Variants in CLIC6 observed in about 807,000 individuals in gnomAD.
CLIC6 encodes chloride intracellular channel protein 6.
In CLIC6, 39 loss-of-function variants were observed where a neutral mutation model predicts 49.2. That is an observed-to-expected ratio of 0.79 (90% CI 0.61 to 1.04). CLIC6 has a LOEUF of 1.04. Among genes scored for constraint, CLIC6 ranks in the 50% least tolerant of loss-of-function variants. CLIC6 has a pLI of 0.00. For missense variants in CLIC6, 988 were observed against 993.1 expected, an observed-to-expected ratio of 0.99 and a Z score of 0.07; for synonymous variants, 446 against 433.4, an observed-to-expected ratio of 1.03 and a Z score of -0.36.
intron 5 of CLIC6, among the ~76,000 whole-genome samples, chr21:34,715,668 CT>C (rs2056081602): frequency 6.6e-6 from 1 of 152,234 alleles, no homozygotes; most frequent in Admixed American, 6.5e-5. Context: ...AACTGTACCC[CT>C]CTTGCTAGAG....
intron 1 of CLIC6, among the ~76,000 whole-genome samples, chr21:34,684,010 C>T (rs1237910486): frequency 3.3e-5 from 5 of 151,894 alleles, no homozygotes; most frequent in Non-Finnish European, 5.9e-5. Flanking sequence ...GGATTTTATC[C>T]CTCAACTCAC....
intron 1 of CLIC6, among the ~76,000 whole-genome samples, chr21:34,677,764 C>G (rs1989699860): frequency 6.6e-6 from 1 of 152,136 alleles, no homozygotes; most frequent in Non-Finnish European, 1.5e-5. Flanking sequence ...GAACTGGATT[C>G]TGTGCCCCAA....
chr21:34,669,448 C>T lies in CLIC6; in HGVS notation c.60C>T (p.Val20=), dbSNP rs756596270. Reference sequence around the variant, plus strand: ...CGGGTCCCCAGGGGCCGCCGGAGGTCCCCGCGCCTCTGGCTGAGAGACCCG... The same window carrying T: ...CGGGTCCCCAGGGGCCGCCGGAGGTTCCCGCGCCTCTGGCTGAGAGACCCG... The part of the protein sequence containing the change: ...VAPGPQGPPE[V]PAPLAERPGE... The change falls in exon 1 of 6, where the codon GTC becomes GTT. Residue 20 remains valine (V), a synonymous_variant. Transcript: ENST00000349499. 29 of 1,233,614 alleles carry T rather than the reference C, an allele frequency of 2.4e-5. No homozygotes were observed. Among genetic ancestry groups the T allele is most frequent in the Admixed American group, 8.4e-5 (2 of 23,700 alleles). 76.4% of individuals were successfully genotyped at this position (1,233,614 alleles called of 1,614,324 possible). A position where few individuals can be genotyped will look rare whatever the true frequency, so the allele number is the denominator to read the frequency against.
At chr21:34,690,899 G>T (rs2145807338) in intron 1 of CLIC6, among the ~76,000 whole-genome samples, 2 of 131,482 alleles carry the variant, frequency 1.5e-5, no homozygotes, top group African/African-American at 2.8e-5. Context: ...GCACAGAAAA[G>T]AATTCCTTAT....
Position 34,716,831 on chromosome 21 carries a change from T to TTCTC in CLIC6, c.*375_*378dup, listed in dbSNP as rs142197835. 62,754 of 133,422 alleles carry TTCTC rather than the reference T, an allele frequency of 0.47. 14,263 individuals are homozygous for TTCTC. Among genetic ancestry groups the TTCTC allele is most frequent in the East Asian group, 0.55 (2,569 of 4,694 alleles). 8.3% of individuals were successfully genotyped at this position (133,422 alleles called of 1,614,324 possible). The stretch of plus-strand genomic sequence containing the variant: ...CATGTTCCAAATCTTCAGTATCTTG[T>TTCTC]TCTCTCTCTCTCTCTCTCTCTCTCT... On this transcript the variant is annotated 3_prime_UTR_variant, in exon 6 of 6. Transcript: ENST00000349499.
chr21:34,706,874 G>T (rs529691976), intron 1 of CLIC6, among the ~76,000 whole-genome samples: 1 of 152,326 alleles, frequency 6.6e-6, no homozygotes, highest in East Asian at 1.9e-4. Context: ...AAGCTGCTAA[G>T]AATAGTTGAT....
chr21:34,703,869 C>T (rs145614324), intron 1 of CLIC6, among the ~76,000 whole-genome samples: 4 of 152,218 alleles, frequency 2.6e-5, no homozygotes, highest in East Asian at 3.9e-4. Flanking sequence ...TTCTTTCTTT[C>T]GAGAATTACC....
intron 1 of CLIC6, among the ~76,000 whole-genome samples, chr21:34,696,180 C>A (rs985160453): frequency 1.5e-5 from 2 of 136,706 alleles, no homozygotes; most frequent in East Asian, 1.9e-4. Flanking sequence ...GACTAGAGAC[C>A]CCCCCCATCC....
At chr21:34,716,205 A>G in intron 5 of CLIC6, 116 bp from the exon 6 acceptor site, 1 of 869,536 alleles carries the variant, frequency 1.2e-6, no homozygotes, top group Non-Finnish European at 1.8e-6. Flanking sequence ...TGACTGTGGG[A>G]TGACATGGGA....
At chr21:34,698,758 G>A (rs566659577) in intron 1 of CLIC6, among the ~76,000 whole-genome samples, 1 of 152,208 alleles carries the variant, frequency 6.6e-6, no homozygotes, top group Non-Finnish European at 1.5e-5. Context: ...GGAGCACTGT[G>A]ATTCCAATTT....
chr21:34,690,451 C>T (rs1014014650), intron 1 of CLIC6, among the ~76,000 whole-genome samples: 4 of 152,154 alleles, frequency 2.6e-5, no homozygotes, highest in African/African-American at 9.7e-5. Flanking sequence ...TCCTTTATCC[C>T]TTAACACAGG....
chr21:34,703,260 G>T (rs1197606487), intron 1 of CLIC6, among the ~76,000 whole-genome samples: 1 of 152,094 alleles, frequency 6.6e-6, no homozygotes, highest in African/African-American at 2.4e-5. Context: ...CATTATATTT[G>T]GGCAGAGTAG....
intron 1 of CLIC6, among the ~76,000 whole-genome samples, chr21:34,699,862 T>C (rs970018243): frequency 2.4e-4 from 36 of 152,138 alleles, no homozygotes; most frequent in Admixed American, 7.2e-4. Flanking sequence ...TGTGGTGAAG[T>C]GCATGGGGTT....
rs868398069 is a variant in CLIC6 at position 34,688,504 on chromosome 21, A to G, written c.1374+17742A>G. Among the ~76,000 whole-genome samples the G allele has an allele frequency of 2.0e-5, 3 of 152,388 alleles. No homozygotes were observed. In the South Asian group the frequency reaches 6.2e-4, roughly 32 times the overall value. Reference sequence around the variant, plus strand: ...CAGATAGTCTGCATAGACGCCCTGTATGGCCCATCTGCTCTGCCCTTGTCC... The same window carrying G: ...CAGATAGTCTGCATAGACGCCCTGTGTGGCCCATCTGCTCTGCCCTTGTCC... On this transcript the variant is annotated intron_variant, in intron 1 of 5. Coordinates refer to ENST00000349499, the MANE Select transcript of CLIC6 (RefSeq NM_053277.3).
chr21:34,703,046 T>C lies in CLIC6; in HGVS notation c.1375-4234T>C, dbSNP rs529363583. 3.4e-5 allele frequency among the ~76,000 whole-genome samples: 4 copies of C among 118,108 alleles called. No homozygotes were observed. The East Asian group carries it at 8.4e-4, about 25-fold the overall frequency. The allele number at this position is 118,108 out of a possible 152,430, so 77.5% of individuals were successfully genotyped here. A position where few individuals can be genotyped will look rare whatever the true frequency, so the allele number is the denominator to read the frequency against. ...CTCACTCACTCTCCACATCCTGCGATGGCAAATCAGCTGCTTGCTCCCAGA... is the reference window on the plus strand; with the variant it reads ...CTCACTCACTCTCCACATCCTGCGACGGCAAATCAGCTGCTTGCTCCCAGA... On this transcript the variant is annotated intron_variant, in intron 1 of 5. Coordinates refer to ENST00000349499, the MANE Select transcript of CLIC6 (RefSeq NM_053277.3).
chr21:34,688,400 G>A (rs1350204566), intron 1 of CLIC6, among the ~76,000 whole-genome samples: 1 of 152,168 alleles, frequency 6.6e-6, no homozygotes. Context: ...GACGGAGAAC[G>A]ACGGTTCACC....
chr21:34,697,703 G>C (rs1990112139), intron 1 of CLIC6, among the ~76,000 whole-genome samples: 1 of 152,244 alleles, frequency 6.6e-6, no homozygotes, highest in Non-Finnish European at 1.5e-5. Context: ...AATCAGGACA[G>C]TCCTGGGCAA....
chr21:34,670,373 G>T lies in CLIC6; in HGVS notation c.985G>T (p.Asp329Tyr). The change falls in exon 1 of 6, where the codon GAC (aspartate) becomes TAC (tyrosine). Residue 329 changes from aspartate to tyrosine, a missense_variant. Coordinates refer to ENST00000349499, the MANE Select transcript of CLIC6 (RefSeq NM_053277.3). ...AGRSPGELAW[D>Y]AAEEAEVPGV... ...GCGCAGCCCCGGTGAGCTCGCCTGG[G>T]ACGCAGCGGAGGAGGCGGAGGTCCC... 1.4e-6 allele frequency: 2 copies of T among 1,454,940 alleles called. No individual in the cohort carries two copies. The highest frequency in any genetic ancestry group is 2.3e-4 in the Middle Eastern group (1 of 4,362). 90.1% of individuals were successfully genotyped at this position (1,454,940 alleles called of 1,614,324 possible).
intron 1 of CLIC6, among the ~76,000 whole-genome samples, chr21:34,699,730 A>G (rs774813441): frequency 2.0e-5 from 3 of 152,180 alleles, no homozygotes; most frequent in Non-Finnish European, 2.9e-5. Context: ...CAAGGAAATC[A>G]AGGACACAGA....
Sources: gnomAD v4.1 joint callset for allele counts (sites outside exome capture counted in the v4.1 genomes callset) on GRCh38, gnomAD v4.1.1 for gene constraint, MANE v1.5 for transcripts, NCBI Gene and HGNC (gene_info 2026-07-23, HGNC 2026-07-21) for gene names.